DYNC2H1: variants seen among roughly 807,000 people sequenced by gnomAD.
DYNC2H1 encodes dynein cytoplasmic 2 heavy chain 1.
In DYNC2H1, 410 loss-of-function variants were observed where a neutral mutation model predicts 570.0. The observed-to-expected ratio is 0.72, with a 90% CI of 0.66 to 0.78. DYNC2H1 has a LOEUF of 0.78. Ranked by LOEUF, DYNC2H1 falls within the 30% of genes least tolerant of loss-of-function variation. The pLI, the probability that DYNC2H1 is intolerant of heterozygous loss-of-function variation, is 0.00. For missense variants in DYNC2H1, 4,865 were observed against 5,046.4 expected (o/e 0.96, Z 1.09); for synonymous variants, 1,688 against 1,677.6 (o/e 1.01, Z -0.15).
At chr11:103,257,951 A>G (rs1383569761) in intron 69 of DYNC2H1, among the ~76,000 whole-genome samples, 200 bp downstream of exon 69, 1 of 152,226 alleles carries the variant, frequency 6.6e-6, no homozygotes, top group South Asian at 2.1e-4. Flanking sequence ...CAATGTGACA[A>G]TCTTTTTAAT....
At position 103,152,265 on chromosome 11, in the gene DYNC2H1, C is replaced by A; in HGVS notation, c.3076C>A (p.Gln1026Lys). 2 of 1,602,600 alleles carry A rather than the reference C, an allele frequency of 1.2e-6. No homozygotes were observed. The highest frequency in any genetic ancestry group is 1.7e-4 in the Middle Eastern group (1 of 5,978). ...DKFELMMESH[Q>K]LMIKDQIEVM... The stretch of plus-strand genomic sequence containing the variant: ...ATTTGAGTTAATGATGGAAAGTCAC[C>A]AACTTATGATTAAAGACCAGGTTAG... The change falls in exon 21 of 89, where the codon CAA becomes AAA. Residue 1026 changes from glutamine to lysine, a missense_variant. Physicochemically the swap from Gln to Lys is moderately conservative, Grantham distance 53. Around this residue, in one of 5 missense-constraint regions of DYNC2H1, gnomAD observed 1,936 missense variants for 1,962.1 expected, o/e 0.99. Coordinates refer to ENST00000375735, the MANE Select transcript of DYNC2H1 (RefSeq NM_001377.3).
chr11:103,222,838 C>A, intron 58 of DYNC2H1, 127 bp from the exon 59 acceptor site: 1 of 1,033,478 alleles, frequency 9.7e-7, no homozygotes. Context: ...TTTATTTTAG[C>A]TATAAGCCAA....
intron 58 of DYNC2H1, among the ~76,000 whole-genome samples, 180 bp downstream of exon 58, chr11:103,222,333 A>G (rs1453009806): frequency 6.6e-6 from 1 of 152,188 alleles, no homozygotes. Flanking sequence ...ATTAGAATCT[A>G]GGTAGCAGGG....
Position 103,448,032 on chromosome 11 carries a change from G to C in DYNC2H1, c.12457-7154G>C, listed in dbSNP as rs552568620. 3.3e-5 allele frequency among the ~76,000 whole-genome samples: 5 copies of C among 152,280 alleles called. No homozygotes were observed. The East Asian group carries it at 9.6e-4, about 29-fold the overall frequency. ...CATAATTATAAAGGATGATTAACAA[G>C]TGGCAGGTCACTTTTAGCATTTGAA... On this transcript the variant is annotated intron_variant, in intron 85 of 88. Transcript: ENST00000375735.
chr11:103,426,811 C>G (rs112007004), intron 84 of DYNC2H1, among the ~76,000 whole-genome samples: 1 of 152,110 alleles, frequency 6.6e-6, no homozygotes, highest in African/African-American at 2.4e-5. Flanking sequence ...GAAATTAGTG[C>G]GACTGCCTCA....
chr11:103,282,194 A>G lies in DYNC2H1; in HGVS notation c.10777A>G (p.Thr3593Ala), dbSNP rs758309005. 34 of 1,608,566 alleles carry G rather than the reference A, an allele frequency of 2.1e-5. No individual in the cohort carries two copies. The highest frequency in any genetic ancestry group is 2.5e-5 in the Non-Finnish European group (30 of 1,177,688). The change falls in exon 72 of 89, where the codon ACA becomes GCA. Residue 3593 changes from threonine (T) to alanine (A), a missense_variant. Transcript: ENST00000375735. ...LFQENEWDTF[T>A]GVVVGDMLRK... The stretch of plus-strand genomic sequence containing the variant: ...TATTCAATAGGAATGGGATACGTTT[A>G]CAGGTGTGGTTGTTGGAGACATGTT...
chr11:103,264,259 C>A lies in DYNC2H1; in HGVS notation c.10695+4282C>A, dbSNP rs1865424774. Among the ~76,000 whole-genome samples the A allele has an allele frequency of 6.6e-6, 1 of 152,128 alleles. No homozygotes were observed. Among genetic ancestry groups the A allele is most frequent in the Non-Finnish European group, 1.5e-5 (1 of 68,018 alleles). ...GCCCAGGGTCAGATGGATTCACAGCCAAATTCTACCAGAGGTACAAAGAGG... is the reference window on the plus strand; with the variant it reads ...GCCCAGGGTCAGATGGATTCACAGCAAAATTCTACCAGAGGTACAAAGAGG... On this transcript the variant is annotated intron_variant, in intron 70 of 88. Coordinates refer to ENST00000375735, the MANE Select transcript of DYNC2H1 (RefSeq NM_001377.3). This position sits in a 1 kb window ranked among gnomAD's most constrained non-coding sequence, Gnocchi z 4.8.
chr11:103,255,834 A>T, intron 67 of DYNC2H1, among the ~76,000 whole-genome samples: 1 of 152,022 alleles, frequency 6.6e-6, no homozygotes, highest in Non-Finnish European at 1.5e-5. Context: ...TGTAACTTTA[A>T]GTAGTTTTTA....
intron 82 of DYNC2H1, 42 bp from the exon 83 acceptor site, chr11:103,358,200 GA>G (rs1419897412): frequency 8.4e-7 from 1 of 1,187,446 alleles, no homozygotes; most frequent in Non-Finnish European, 1.2e-6. Flanking sequence ...CTGTTCGGCT[GA>G]AGTTCTTTTT....
At chr11:103,211,993 A>T (rs1591416643) in intron 54 of DYNC2H1, 50 bp downstream of exon 54, 1 of 1,375,946 alleles carries the variant, frequency 7.3e-7, no homozygotes, top group African/African-American at 1.5e-5. Flanking sequence ...AGGAAACAAG[A>T]GTTTTGTAAA....
intron 1 of DYNC2H1, among the ~76,000 whole-genome samples, chr11:103,112,411 T>C (rs913826031): frequency 3.9e-5 from 6 of 152,160 alleles, no homozygotes; most frequent in Non-Finnish European, 8.8e-5. Flanking sequence ...AGGACAGAGG[T>C]TGGCAAAAAG....
At chr11:103,303,594 C>T (rs1867144080) in intron 76 of DYNC2H1, among the ~76,000 whole-genome samples, 1 of 151,964 alleles carries the variant, frequency 6.6e-6, no homozygotes, top group East Asian at 1.9e-4. Context: ...AGGTGCTGTG[C>T]TACTGGCTTT....
intron 80 of DYNC2H1, among the ~76,000 whole-genome samples, chr11:103,320,368 C>T (rs1308573198): frequency 6.6e-6 from 1 of 152,096 alleles, no homozygotes; most frequent in Non-Finnish European, 1.5e-5. Context: ...CGTCATTGCA[C>T]TCCAGCCTGG....
chr11:103,347,992 G>A (rs1471725669), intron 82 of DYNC2H1, among the ~76,000 whole-genome samples: 1 of 152,146 alleles, frequency 6.6e-6, no homozygotes, highest in East Asian at 1.9e-4. Context: ...CTAGTGATAG[G>A]GGAGGAAAGA....
intron 74 of DYNC2H1, 96 bp downstream of exon 74, chr11:103,286,482 C>A: frequency 7.1e-7 from 1 of 1,409,608 alleles, no homozygotes; most frequent in Non-Finnish European, 9.6e-7. Flanking sequence ...TAGAGTGTTA[C>A]TTTACCTTTA....
At chr11:103,164,644 C>A (rs991630978) in intron 30 of DYNC2H1, among the ~76,000 whole-genome samples, 1 of 152,132 alleles carries the variant, frequency 6.6e-6, no homozygotes, top group African/African-American at 2.4e-5. Context: ...ATTTACATGA[C>A]CTTCAAGTAC....
At position 103,284,521 on chromosome 11, in the gene DYNC2H1, A is replaced by T. The variant is rs115857517; in HGVS notation, c.10890+1436A>T. On this transcript the variant is annotated intron_variant, in intron 73 of 88. Transcript: ENST00000375735. ...AGTATACAAGGTAGCCAAATACATGATGATAATATAATGTGTAGCACACCT... is the reference window on the plus strand; with the variant it reads ...AGTATACAAGGTAGCCAAATACATGTTGATAATATAATGTGTAGCACACCT... Among the ~76,000 whole-genome samples the T allele has an allele frequency of 9.7e-3, 1,463 of 151,012 alleles. 15 individuals are homozygous for T. Among genetic ancestry groups the T allele is most frequent in the African/African-American group, 0.034 (1,390 of 41,476 alleles).
chr11:103,477,756 G>A (rs145576927), intron 88 of DYNC2H1, among the ~76,000 whole-genome samples: 240 of 149,348 alleles, frequency 1.6e-3, no homozygotes, highest in African/African-American at 5.5e-3. Flanking sequence ...GAATGAACCC[G>A]GGAGGTGGAG....
chr11:103,438,963 G>A (rs1044352130), intron 85 of DYNC2H1, among the ~76,000 whole-genome samples: 12 of 152,044 alleles, frequency 7.9e-5, no homozygotes, highest in Non-Finnish European at 1.8e-4. Flanking sequence ...GGGCAACAAT[G>A]AGACCTCGCC....
Sources: allele counts gnomAD v4.1 joint callset (sites outside exome capture counted in the v4.1 genomes callset), GRCh38; gene constraint gnomAD v4.1.1; regional missense constraint gnomAD v4.1.1; non-coding constraint Gnocchi (gnomAD v3.1); transcripts MANE v1.5; gene names NCBI Gene and HGNC (gene_info 2026-07-23, HGNC 2026-07-21).